The following NUP214 variants were observed in gnomAD, a reference collection of about 807,000 sequenced individuals.
The protein encoded by NUP214 is nucleoporin 214.
Under a neutral mutation model 196.2 loss-of-function variants are expected in NUP214, and 79 were observed. The ratio of observed to expected loss-of-function variants is 0.40; its 90% confidence interval spans 0.34 to 0.49. The LOEUF is 0.49. Among genes scored for constraint, NUP214 ranks in the 20% least tolerant of loss-of-function variants. The pLI is 0.58. For missense variants in NUP214, 2,468 were observed against 2,539.0 expected (o/e 0.97, Z 0.60); for synonymous variants, 1,020 against 990.5 (o/e 1.03, Z -0.56).
Position 131,172,447 on chromosome 9 carries a change from G to C in NUP214, c.2894-1608G>C, listed in dbSNP as rs185904914. The stretch of plus-strand genomic sequence containing the variant: ...TTGTTTGAGTTCATTGTAGATTCTG[G>C]ATATTAGCCCTTTGTCAGATGAGTA... On this transcript the variant is annotated intron_variant, in intron 21 of 35. Coordinates refer to ENST00000359428, the MANE Select transcript of NUP214 (RefSeq NM_005085.4). Among the ~76,000 whole-genome samples, 152 of 152,256 alleles carry C rather than the reference G, an allele frequency of 1.0e-3. 1 individual carries two copies. The Middle Eastern group carries it at 0.027, about 27-fold the overall frequency.
In NUP214 at chr9:131,147,573, G is replaced by T. The variant is rs908813694; in HGVS notation, c.2029G>T (p.Gly677Cys). ...PRITPPAAKP[G>C]SPQAKSLQPA... ...GATAACCCCTCCAGCGGCAAAGCCA[G>T]GCTCTCCCCAGGTATGTTTAAATTC... Residue 677 changes from glycine to cysteine, a missense_variant, in exon 14 of 36, where the codon GGC (glycine) becomes TGC (cysteine). By Grantham distance (159) the Gly-to-Cys change is radical. Coordinates refer to ENST00000359428, the MANE Select transcript of NUP214 (RefSeq NM_005085.4). 3 of 1,613,090 alleles carry T rather than the reference G, an allele frequency of 1.9e-6. No homozygotes were observed. The African/African-American group carries it at 4.0e-5, about 22-fold the overall frequency.
Position 131,146,419 on chromosome 9 carries a change from T to C in NUP214, c.1945+115T>C, listed in dbSNP as rs1052424055. 33 of 1,020,514 alleles carry C rather than the reference T, an allele frequency of 3.2e-5. No individual in the cohort carries two copies. The highest frequency in any genetic ancestry group is 4.3e-5 in the Non-Finnish European group (29 of 680,242). 63.2% of individuals were successfully genotyped at this position (1,020,514 alleles called of 1,614,324 possible). A position where few individuals can be genotyped will look rare whatever the true frequency, so the allele number is the denominator to read the frequency against. ...GACAAGGTTATTTTTTCTTGCTTCC[T>C]GTATCATACATTAATGATTAATGTG... is the stretch of plus-strand genomic sequence containing the variant. On this transcript the variant is annotated intron_variant, in intron 13 of 35. Transcript: ENST00000359428. This position sits in a 1 kb window ranked among gnomAD's most constrained non-coding sequence, Gnocchi z 4.6.
chr9:131,151,606 C>A, intron 16 of NUP214, 130 bp from the exon 17 acceptor site: 2 of 601,530 alleles, frequency 3.3e-6, no homozygotes, highest in Non-Finnish European at 2.8e-6. Flanking sequence ...TCTTTTTTTA[C>A]CTGAGTTAAA....
chr9:131,159,648 G>A (rs1384348813), intron 18 of NUP214, among the ~76,000 whole-genome samples, 162 bp downstream of exon 18: 1 of 152,084 alleles, frequency 6.6e-6, no homozygotes, highest in South Asian at 2.1e-4. Context: ...ACCTGAGATC[G>A]GGAGTTCGAG....
chr9:131,154,341 T>C (rs927064955), intron 17 of NUP214, among the ~76,000 whole-genome samples: 1 of 152,188 alleles, frequency 6.6e-6, no homozygotes, highest in Non-Finnish European at 1.5e-5. Flanking sequence ...CAGTGTACAC[T>C]GTACCCCAAT....
rs138280252 is a variant in NUP214 at position 131,197,446 on chromosome 9, G to A, written c.3952G>A (p.Gly1318Arg). Residue 1318 changes from glycine to arginine, a missense_variant, in exon 29 of 36, where the codon GGA becomes AGA. Physicochemically the swap from Gly to Arg is moderately radical, Grantham distance 125. Transcript: ENST00000359428. ...SKLETPPSKL[G>R]ELLFPSSLAG... ...GCTGGAAACCCCACCGTCCAAGCTG[G>A]GAGAGCTTCTGTTTCCAAGTTCTTT... The A allele has an allele frequency of 2.3e-4, 377 of 1,614,156 alleles. No individual in the cohort carries two copies. Among genetic ancestry groups the A allele is most frequent in the Middle Eastern group, 4.9e-4 (3 of 6,062 alleles).
chr9:131,223,162 A>ATG (rs1834609429), intron 32 of NUP214, among the ~76,000 whole-genome samples: 1 of 148,840 alleles, frequency 6.7e-6, no homozygotes, highest in Non-Finnish European at 1.5e-5. Flanking sequence ...GTAATGCAAC[A>ATG]TTTTTTTTTC....
intron 31 of NUP214, among the ~76,000 whole-genome samples, chr9:131,220,593 GGCA>G (rs1377495900): frequency 2.6e-5 from 4 of 152,190 alleles, no homozygotes; most frequent in Non-Finnish European, 5.9e-5. Flanking sequence ...AACAGAGAAG[GGCA>G]GCAGCCTTTT....
At chr9:131,210,751 G>A (rs373657090) in intron 30 of NUP214, among the ~76,000 whole-genome samples, 1 of 152,140 alleles carries the variant, frequency 6.6e-6, no homozygotes, top group Middle Eastern at 3.4e-3. Context: ...ACTCGAAGAC[G>A]TATCAATAGA....
Position 131,150,867 on chromosome 9 carries a change from A to G in NUP214, c.2277+102A>G, listed in dbSNP as rs139902707. 2.2e-5 allele frequency: 26 copies of G among 1,171,010 alleles called. 1 individual carries two copies. The highest frequency in any genetic ancestry group is 1.2e-4 in the African/African-American group (8 of 64,800). 72.5% of individuals were successfully genotyped at this position (1,171,010 alleles called of 1,614,324 possible). A position where few individuals can be genotyped will look rare whatever the true frequency, so the allele number is the denominator to read the frequency against. On this transcript the variant is annotated intron_variant, in intron 16 of 35. Transcript: ENST00000359428. ...GTACTTTATTTCTTCAAGGACCACCAGTGTTGTTGTTTTTTTAACGTGGCT... is the reference window on the plus strand; with the variant it reads ...GTACTTTATTTCTTCAAGGACCACCGGTGTTGTTGTTTTTTTAACGTGGCT...
chr9:131,139,358 G>C lies in NUP214; in HGVS notation c.1083G>C (p.Leu361Phe). The C allele has an allele frequency of 1.2e-6, 2 of 1,602,032 alleles. No individual in the cohort carries two copies. Among genetic ancestry groups the C allele is most frequent in the Non-Finnish European group, 1.7e-6 (2 of 1,176,110 alleles). ...LPVTDKSDDS[L>F]PMGVVVDYTN... ...TGACAGACAAGAGTGATGACTCCTT[G>C]CCCATGGGAGTTGTCGTAGACTATA... Residue 361 changes from leucine to phenylalanine, a missense_variant, in exon 10 of 36, where the codon TTG (leucine) becomes TTC (phenylalanine). This residue lies in a region of NUP214 where 1,801 missense variants were observed against 1,779.4 expected (regional missense o/e 1.01). Transcript: ENST00000359428.
chr9:131,160,899 G>A (rs1832611318), intron 18 of NUP214, among the ~76,000 whole-genome samples: 1 of 152,156 alleles, frequency 6.6e-6, no homozygotes, highest in Non-Finnish European at 1.5e-5. Flanking sequence ...TCCATGGGCA[G>A]TGGGGCCCCA....
At chr9:131,150,262 C>G (rs1432612590) in intron 14 of NUP214, 62 bp from the exon 15 acceptor site, 2 of 1,417,380 alleles carry the variant, frequency 1.4e-6, no homozygotes, top group African/African-American at 1.4e-5. Context: ...GTAATAGGCT[C>G]TGATATAATT....
chr9:131,230,538 G>A (rs1588183857), intron 33 of NUP214, 92 bp from the exon 34 acceptor site: 2 of 1,468,508 alleles, frequency 1.4e-6, no homozygotes, highest in Non-Finnish European at 1.9e-6. Context: ...AGTGTCGTGT[G>A]TATTGGGACT....
At position 131,197,570 on chromosome 9, in the gene NUP214, G is replaced by A; in HGVS notation, c.4076G>A (p.Ser1359Asn). The change falls in exon 29 of 36, where the codon AGT becomes AAT. Residue 1359 changes from serine (S) to asparagine (N), a missense_variant. Coordinates refer to ENST00000359428, the MANE Select transcript of NUP214 (RefSeq NM_005085.4). ...AAGGCTTCATCCACAAGCCTAACTAGTACCCAGCCAACCAAGACGTCAGGC... is the reference window on the plus strand; with the variant it reads ...AAGGCTTCATCCACAAGCCTAACTAATACCCAGCCAACCAAGACGTCAGGC... ...TNKASSTSLT[S>N]TQPTKTSGVP... The A allele has an allele frequency of 6.2e-7, 1 of 1,614,122 alleles. No individual in the cohort carries two copies. The highest frequency in any genetic ancestry group is 1.1e-5 in the South Asian group (1 of 91,082).
At chr9:131,196,025 T>C (rs866033579) in intron 28 of NUP214, among the ~76,000 whole-genome samples, 23 of 3,664 alleles carry the variant, frequency 6.3e-3, no homozygotes, top group African/African-American at 0.013. Flanking sequence ...ACTCTGTGTG[T>C]CCCCCCCCCC....
At chr9:131,209,030 A>G (rs945399608) in intron 30 of NUP214, among the ~76,000 whole-genome samples, 22 of 152,066 alleles carry the variant, frequency 1.4e-4, no homozygotes, top group Non-Finnish European at 1.0e-4. Flanking sequence ...TAAATAATAA[A>G]AAGGAATGAA....
chr9:131,190,384 T>C (rs1159693265), intron 26 of NUP214: 1 of 673,846 alleles, frequency 1.5e-6, no homozygotes, highest in Admixed American at 2.3e-5. Context: ...GGGCAAGTAG[T>C]GTGACTTGCA....
At chr9:131,182,980 C>T (rs891227256) in intron 24 of NUP214, among the ~76,000 whole-genome samples, 2 of 152,178 alleles carry the variant, frequency 1.3e-5, no homozygotes, top group African/African-American at 4.8e-5. Context: ...AAGAATCTAA[C>T]AGCAGTATTC....
Sources: allele counts gnomAD v4.1 joint callset (sites outside exome capture counted in the v4.1 genomes callset), GRCh38; gene constraint gnomAD v4.1.1; regional missense constraint gnomAD v4.1.1; non-coding constraint Gnocchi (gnomAD v3.1); transcripts MANE v1.5; gene names NCBI Gene and HGNC (gene_info 2026-07-23, HGNC 2026-07-21).